The following RAB27B variants were observed in gnomAD, a reference collection of about 807,000 sequenced individuals.
The protein encoded by RAB27B is ras-related protein Rab-27B.
Under a neutral mutation model 24.6 loss-of-function variants are expected in RAB27B, and 15 were observed. The ratio of observed to expected loss-of-function variants is 0.61; its 90% CI spans 0.41 to 0.94. The LOEUF (loss-of-function observed/expected upper bound fraction) is 0.94, where lower values mean the gene tolerates loss of function less well. Among genes scored for constraint, RAB27B ranks in the 40% least tolerant of loss-of-function variants. The probability of loss-of-function intolerance (pLI) is 0.00; values close to 1 mark genes in which losing one functional copy is unlikely to be tolerated. For missense variants in RAB27B, 261 were observed against 266.8 expected (o/e 0.98, Z 0.15); for synonymous variants, 105 against 92.5 (o/e 1.14, Z -0.78).
At chr18:54,727,323 T>C (rs1326069850) in intron 2 of RAB27B, among the ~76,000 whole-genome samples, 1 of 152,070 alleles carries the variant, frequency 6.6e-6, no homozygotes, top group African/African-American at 2.4e-5. Flanking sequence ...TAAATACAAA[T>C]TGACACAGAA....
chr18:54,843,371 T>A (rs936578820), intron 1 of RAB27B, among the ~76,000 whole-genome samples: 4 of 142,672 alleles, frequency 2.8e-5, no homozygotes, highest in Non-Finnish European at 6.2e-5. Flanking sequence ...TTTTTTTTTT[T>A]AGCAGTGCCA....
intron 2 of RAB27B, among the ~76,000 whole-genome samples, chr18:54,731,884 A>G (rs1909743395): frequency 6.6e-6 from 1 of 152,220 alleles, no homozygotes; most frequent in Non-Finnish European, 1.5e-5. Flanking sequence ...CTTAGGACAT[A>G]GAAATTTGTA....
At chr18:54,718,087 A>G (rs1909245808) in exon 2 of RAB27B, 3 of 152,358 alleles carry the variant, frequency 2.0e-5, no homozygotes, top group East Asian at 1.9e-4. Context: ...CAACAGTGCC[A>G]TAAAGAAATG....
At chr18:54,817,041 T>C (rs1023576334) in intron 2 of RAB27B, among the ~76,000 whole-genome samples, 2 of 152,224 alleles carry the variant, frequency 1.3e-5, no homozygotes, top group African/African-American at 4.8e-5. Flanking sequence ...CAAATCTTTA[T>C]TTCTAACGTT....
At chr18:54,735,927 A>C (rs1909879449) in intron 2 of RAB27B, among the ~76,000 whole-genome samples, 1 of 152,216 alleles carries the variant, frequency 6.6e-6, no homozygotes, top group African/African-American at 2.4e-5. Flanking sequence ...CAAACTGGAT[A>C]ATTTTATGAG....
At chr18:54,856,860 G>A (rs903964543) in intron 1 of RAB27B, among the ~76,000 whole-genome samples, 10 of 152,256 alleles carry the variant, frequency 6.6e-5, no homozygotes, top group Admixed American at 1.3e-4. Flanking sequence ...TCTTTGTTTC[G>A]TAAAAGAAAC....
rs56409312 is a variant in RAB27B at position 54,873,685 on chromosome 18, C to CTGTGTGTGTG, written c.-19-3847_-19-3838dup. ...ATAAAAAGAGGAGCTGAGCCAAATC[C>CTGTGTGTGTG]TGTGTGTGTGTGTGTGTGTGTGTGT... On this transcript the variant is annotated intron_variant, in intron 1 of 5. Coordinates refer to ENST00000262094, the MANE Select transcript of RAB27B (RefSeq NM_004163.4). Among the ~76,000 whole-genome samples the CTGTGTGTGTG allele has an allele frequency of 6.2e-3, 874 of 140,822 alleles. 3 individuals are homozygous for CTGTGTGTGTG. The highest frequency in any genetic ancestry group is 9.0e-3 in the Non-Finnish European group (584 of 65,136). 92.4% of individuals were successfully genotyped at this position (140,822 alleles called of 152,430 possible).
At chr18:54,857,142 T>C (rs1350804214) in intron 1 of RAB27B, among the ~76,000 whole-genome samples, 3 of 152,188 alleles carry the variant, frequency 2.0e-5, no homozygotes, top group Non-Finnish European at 2.9e-5. Context: ...AACTTTTTGA[T>C]CTTTCTTTTT....
chr18:54,883,055 A>G (rs533019714), intron 3 of RAB27B, among the ~76,000 whole-genome samples: 1 of 152,182 alleles, frequency 6.6e-6, no homozygotes, highest in African/African-American at 2.4e-5. Flanking sequence ...TTAACTGTAG[A>G]CACCAGGTGA....
Position 54,877,563 on chromosome 18 carries a change from A to T in RAB27B, c.-19-4A>T. 1 of 1,494,462 alleles carries T rather than the reference A, an allele frequency of 6.7e-7. No homozygotes were observed. Among genetic ancestry groups the T allele is most frequent in the Non-Finnish European group, 8.9e-7 (1 of 1,129,166 alleles). The allele number at this position is 1,494,462 out of a possible 1,614,324, so 92.6% of individuals were successfully genotyped here. On this transcript the variant is annotated splice_region_variant and splice_polypyrimidine_tract_variant and intron_variant, in intron 1 of 5. Coordinates refer to ENST00000262094, the MANE Select transcript of RAB27B (RefSeq NM_004163.4). ...AACATACTTGTTTTCCCTCTCCTAT[A>T]CAGACCGACCAAGACCATCACTATG... is the stretch of plus-strand genomic sequence containing the variant.
rs553645013 is a variant in RAB27B at position 54,849,920 on chromosome 18, T to C, written c.-20+21220T>C. Among the ~76,000 whole-genome samples, 159 of 152,234 alleles carry C rather than the reference T, an allele frequency of 1.0e-3. 1 individual carries two copies. The highest frequency in any genetic ancestry group is 3.4e-3 in the African/African-American group (141 of 41,540). The stretch of plus-strand genomic sequence containing the variant: ...GCATTCAGCTGTTCTCTGGTAAATA[T>C]TTACTCATACCTTTAAAAGGAAAAA... On this transcript the variant is annotated intron_variant, in intron 1 of 5. Coordinates refer to ENST00000262094, the MANE Select transcript of RAB27B (RefSeq NM_004163.4).
intron 2 of RAB27B, among the ~76,000 whole-genome samples, chr18:54,817,399 T>C (rs1391762612): frequency 1.3e-5 from 2 of 152,200 alleles, no homozygotes; most frequent in African/African-American, 4.8e-5. Context: ...CTCAAGTTTA[T>C]AATGTATAGG....
At chr18:54,882,559 T>C (rs1319744623) in intron 3 of RAB27B, among the ~76,000 whole-genome samples, 2 of 152,198 alleles carry the variant, frequency 1.3e-5, no homozygotes, top group African/African-American at 4.8e-5. Flanking sequence ...TTATTTCCTC[T>C]GATACCATTA....
rs186214425 is a variant in RAB27B at position 54,741,297 on chromosome 18, T to C, written c.-20+23156T>C. On this transcript the variant is annotated intron_variant, in intron 2 of 4. Transcript: ENST00000586570. ...TGTTCCTTAAAGCTAAAGAGGTTTA[T>C]CACCTATTCAGTGTTTCCATTTGCC... Among the ~76,000 whole-genome samples, 321 of 152,320 alleles carry C rather than the reference T, an allele frequency of 2.1e-3. 2 individuals are homozygous for C. Among genetic ancestry groups the C allele is most frequent in the African/African-American group, 7.4e-3 (307 of 41,574 alleles).
rs537896107 is a variant in RAB27B at position 54,801,287 on chromosome 18, T to C, written c.-19-76280T>C. ...ATCTTGGCCTCCCAAAGTGTTGGGATTGCAGGTGTGAGCCACTGCACCTGG... is the reference window on the plus strand; with the variant it reads ...ATCTTGGCCTCCCAAAGTGTTGGGACTGCAGGTGTGAGCCACTGCACCTGG... On this transcript the variant is annotated intron_variant, in intron 2 of 4. Transcript: ENST00000586570. 1.1e-4 allele frequency among the ~76,000 whole-genome samples: 16 copies of C among 152,268 alleles called. 1 individual carries two copies. The East Asian group carries it at 3.1e-3, about 29-fold the overall frequency.
chr18:54,884,568 G>A (rs1913056881), intron 4 of RAB27B, 132 bp downstream of exon 4: 2 of 586,270 alleles, frequency 3.4e-6, no homozygotes, highest in African/African-American at 1.9e-5. Context: ...AGTGTTGCCT[G>A]TGCCACTGTG....
chr18:54,886,886 C>T (rs901828810), intron 4 of RAB27B, among the ~76,000 whole-genome samples: 7 of 152,036 alleles, frequency 4.6e-5, no homozygotes, highest in Admixed American at 3.9e-4. Context: ...CACAGCATGC[C>T]TTATGATAGA....
At chr18:54,837,583 G>GC (rs1195319279) in intron 1 of RAB27B, among the ~76,000 whole-genome samples, 1 of 152,002 alleles carries the variant, frequency 6.6e-6, no homozygotes, top group Non-Finnish European at 1.5e-5. Context: ...GGAAATGCAG[G>GC]CACACGGGTG....
At chr18:54,888,562 C>T (rs1490431692) in intron 5 of RAB27B, among the ~76,000 whole-genome samples, 1 of 151,908 alleles carries the variant, frequency 6.6e-6, no homozygotes, top group African/African-American at 2.4e-5. Context: ...GAAATAATCC[C>T]TGACAAGGGT....
Sources: allele counts gnomAD v4.1 joint callset (sites outside exome capture counted in the v4.1 genomes callset), GRCh38; gene constraint gnomAD v4.1.1; transcripts MANE v1.5; gene names NCBI Gene and HGNC (gene_info 2026-07-23, HGNC 2026-07-21).